SULT1A1: variants seen among roughly 807,000 people sequenced by gnomAD.
SULT1A1 encodes sulfotransferase family 1A member 1.
A neutral mutation model predicts 36.8 loss-of-function variants in SULT1A1; 35 were observed. That is an observed-to-expected ratio of 0.95 (90% CI 0.73 to 1.26). The LOEUF is 1.26. SULT1A1 is among the 50% of genes most tolerant of loss of function. SULT1A1 has a pLI of 0.00. For synonymous variants in SULT1A1, 119 were observed against 146.0 expected (o/e 0.82, Z 1.33); for missense variants, 309 against 383.0 (o/e 0.81, Z 1.61).
intron 1 of SULT1A1, 123 bp downstream of exon 1, chr16:28,609,808 T>G: frequency 1.9e-6 from 2 of 1,047,496 alleles, no homozygotes; most frequent in Non-Finnish European, 2.5e-6. Flanking sequence ...CAGGCCAGGG[T>G]TGTCTGAAAT....
intron 1 of SULT1A1, among the ~76,000 whole-genome samples, chr16:28,621,429 T>C (rs1218882716): frequency 8.0e-6 from 1 of 124,736 alleles, no homozygotes; most frequent in Non-Finnish European, 1.5e-5. Context: ...TTCAATGAGC[T>C]GAGATCAGGC....
chr16:28,616,016 G>A (rs911489111), intron 2 of SULT1A1, among the ~76,000 whole-genome samples: 2 of 139,784 alleles, frequency 1.4e-5, no homozygotes, highest in East Asian at 2.1e-4. Context: ...ACAGGGAGAC[G>A]CTGGACCACG....
chr16:28,616,488 A>G (rs2047549465), intron 2 of SULT1A1, among the ~76,000 whole-genome samples: 1 of 151,942 alleles, frequency 6.6e-6, no homozygotes, highest in Admixed American at 6.6e-5. Flanking sequence ...GGGTTTCACC[A>G]TTTTGGTCTG....
At chr16:28,623,298 G>C in exon 1 of SULT1A1, 1 of 1,537,682 alleles carries the variant, frequency 6.5e-7, no homozygotes, top group Non-Finnish European at 8.7e-7. Flanking sequence ...CACGCGCCGC[G>C]TCTGGCGCCA....
intron 1 of SULT1A1, among the ~76,000 whole-genome samples, chr16:28,622,477 A>T (rs1158511490): frequency 6.6e-6 from 1 of 152,116 alleles, no homozygotes; most frequent in African/African-American, 2.4e-5. Flanking sequence ...TATGGCAAGG[A>T]TCCAAGGTCC....
intron 2 of SULT1A1, among the ~76,000 whole-genome samples, chr16:28,615,616 A>C (rs571345702): frequency 6.6e-6 from 1 of 152,228 alleles, no homozygotes; most frequent in Admixed American, 6.5e-5. Context: ...CAGCACGGCC[A>C]ACACAGGAAG....
intron 1 of SULT1A1, among the ~76,000 whole-genome samples, chr16:28,620,592 T>G (rs2047632341): frequency 6.8e-6 from 1 of 147,534 alleles, no homozygotes; most frequent in Non-Finnish European, 1.5e-5. Context: ...AAGAACATAG[T>G]CTCCACTCTA....
intron 1 of SULT1A1, chr16:28,609,468 C>T: frequency 8.4e-7 from 1 of 1,193,886 alleles, no homozygotes. Flanking sequence ...TCTGATGACT[C>T]AGCAAAAGCA....
Position 28,608,317 on chromosome 16 carries a change from G to T in SULT1A1, c.346C>A (p.Gln116Lys), listed in dbSNP as rs1362869835. Residue 116 changes from glutamine (Q) to lysine (K), a missense_variant, in exon 4 of 8, where the codon CAG becomes AAG. Transcript: ENST00000314752. ...TTGACCTTCTGATCCAACAGAGTCT[G>T]GGGGAGCAGAGCCAGGGGCAGGTGT... is the stretch of plus-strand genomic sequence containing the variant. ...KTHLPLALLP[Q>K]TLLDQKVKVV... 1.2e-6 allele frequency: 2 copies of T among 1,612,376 alleles called. No individual in the cohort carries two copies.
Position 28,609,397 on chromosome 16 carries a change from C to T in SULT1A1, c.-5+534G>A, listed in dbSNP as rs143743011. 1,224 of 1,288,076 alleles carry T rather than the reference C, an allele frequency of 9.5e-4. 16 individuals carry two copies. Among genetic ancestry groups the T allele is most frequent in the South Asian group, 8.5e-3 (683 of 80,720 alleles). The allele number at this position is 1,288,076 out of a possible 1,614,324, so 79.8% of individuals were successfully genotyped here. On this transcript the variant is annotated intron_variant, in intron 1 of 7. Transcript: ENST00000314752. ...GTCCATCTGGGCTCCAGGACAAACA[C>T]GGCCCATTGAGGAACTGAGCTGCTA...
At chr16:28,623,278 C>G (rs2047694948) in exon 1 of SULT1A1, 7 of 1,541,252 alleles carry the variant, frequency 4.5e-6, no homozygotes, top group Admixed American at 3.9e-5. Flanking sequence ...AAGGTCACCA[C>G]CAACGTGGCC....
chr16:28,609,125 A>G (rs2047347840), intron 1 of SULT1A1: 1 of 1,418,106 alleles, frequency 7.1e-7, no homozygotes, highest in Non-Finnish European at 9.2e-7. Context: ...CAGTGAAAGC[A>G]CCCTCGTCGG....
rs374487773 is a variant in SULT1A1 at position 28,607,498 on chromosome 16, G to A, written c.373-421C>T. The A allele has an allele frequency of 1.7e-4, 30 of 179,694 alleles. No homozygotes were observed. The East Asian group carries it at 2.3e-3, about 14-fold the overall frequency. 11.1% of individuals were successfully genotyped at this position (179,694 alleles called of 1,614,324 possible). On this transcript the variant is annotated intron_variant, in intron 4 of 7. Transcript: ENST00000314752. ...GAGACAAGGCTGGAGGAAGTGAGGC[G>A]ACTTTCCCAGAAGAACAGGACCAAA...
chr16:28,605,625 T>A lies in SULT1A1; in HGVS notation c.*196A>T, dbSNP rs2047143509. 4.5e-6 allele frequency: 4 copies of A among 896,250 alleles called. No individual in the cohort carries two copies. Among genetic ancestry groups the A allele is most frequent in the African/African-American group, 1.6e-5 (1 of 61,658 alleles). 55.5% of individuals were successfully genotyped at this position (896,250 alleles called of 1,614,324 possible). ...AATTGGTTTTATTTTATTTTATTTT[T>A]TTAACAGAATCTCACTATGTTGCCC... On this transcript the variant is annotated 3_prime_UTR_variant, in exon 8 of 8. Transcript: ENST00000314752.
upstream of SULT1A1, chr16:28,614,827 A>T (rs1183738170): frequency 1.5e-5 from 2 of 132,000 alleles, no homozygotes; most frequent in Non-Finnish European, 3.5e-5. Context: ...TTCAGGCCGT[A>T]GAGCAGGTAG....
Position 28,609,043 on chromosome 16 carries a change from C to T in SULT1A1, c.-4-184G>A. On this transcript the variant is annotated intron_variant, in intron 1 of 7. Transcript: ENST00000314752. ...AGGTCGGGCTCTAATGCGGTGGTTC[C>T]CCAGCCTGGCCTCACCTTTCATTCA... The T allele has an allele frequency of 2.0e-6, 3 of 1,482,856 alleles. No homozygotes were observed. The South Asian group carries it at 4.0e-5, about 20-fold the overall frequency. The allele number at this position is 1,482,856 out of a possible 1,614,324, so 91.9% of individuals were successfully genotyped here.
chr16:28,609,266 C>T lies in SULT1A1; in HGVS notation c.-4-407G>A. The T allele has an allele frequency of 4.8e-6, 6 of 1,250,278 alleles. No individual in the cohort carries two copies. The South Asian group carries it at 5.7e-5, about 12-fold the overall frequency. 77.4% of individuals were successfully genotyped at this position (1,250,278 alleles called of 1,614,324 possible). A position where few individuals can be genotyped will look rare whatever the true frequency, so the allele number is the denominator to read the frequency against. ...TGTCTCACCACTTCCTGCTGGGACC[C>T]CCAGCCTCCACCCAGTGGAGATGCT... On this transcript the variant is annotated intron_variant, in intron 1 of 7. Transcript: ENST00000314752.
chr16:28,606,795 G>A lies in SULT1A1; in HGVS notation c.560C>T (p.Pro187Leu). Residue 187 changes from proline (P) to leucine (L), a missense_variant, in exon 6 of 8, where the codon CCT (proline) becomes CTT (leucine). By Grantham distance (98) the Pro-to-Leu change is moderately conservative. Transcript: ENST00000314752. ...GTCTTCATAGAAGAGGTAGAGAACAGGGTGGGTGCGGCTCAGCTCCCACCA... is the reference window on the plus strand; with the variant it reads ...GTCTTCATAGAAGAGGTAGAGAACAAGGTGGGTGCGGCTCAGCTCCCACCA... ...QEWWELSRTH[P>L]VLYLFYEDMK... 1 of 1,612,484 alleles carries A rather than the reference G, an allele frequency of 6.2e-7. No individual in the cohort carries two copies. The highest frequency in any genetic ancestry group is 8.5e-7 in the Non-Finnish European group (1 of 1,178,690).
chr16:28,607,853 T>C (rs1195966833), intron 4 of SULT1A1: 1 of 154,022 alleles, frequency 6.5e-6, no homozygotes, highest in Non-Finnish European at 1.4e-5. Context: ...TTTATAGAGA[T>C]GGAGACTCCC....
Sources: gnomAD v4.1 joint callset for allele counts (sites outside exome capture counted in the v4.1 genomes callset) on GRCh38, gnomAD v4.1.1 for gene constraint, MANE v1.5 for transcripts, NCBI Gene and HGNC (gene_info 2026-07-23, HGNC 2026-07-21) for gene names.